KCNN2: variants seen among roughly 807,000 people sequenced by gnomAD.
KCNN2 encodes the protein small conductance calcium-activated potassium channel protein 2.
KCNN2 carries 24 observed loss-of-function variants against 55.5 expected under a neutral mutation model. That is an observed-to-expected ratio of 0.43 (90% CI 0.31 to 0.61). KCNN2 has a LOEUF of 0.61. Ranked by LOEUF, KCNN2 falls within the 20% of genes least tolerant of loss-of-function variation. KCNN2 has a pLI of 0.08. For synonymous variants in KCNN2, 431 were observed against 336.1 expected (o/e 1.28, Z -3.09); for missense variants, 754 against 853.6 (o/e 0.88, Z 1.45).
At position 114,059,202 on chromosome 5, in the gene KCNN2, A is replaced by G. The variant is rs189809754; in HGVS notation, c.-271+2702A>G. On this transcript the variant is annotated intron_variant, in intron 1 of 10. Transcript: ENST00000512097. The stretch of plus-strand genomic sequence containing the variant: ...GGTTATTAAGGGAAAGAGAGGAAAC[A>G]AAAGAAATTCCTGGATTTTTATTTA... Among the ~76,000 whole-genome samples, 202 of 152,298 alleles carry G rather than the reference A, an allele frequency of 1.3e-3. 1 individual carries two copies. The highest frequency in any genetic ancestry group is 4.4e-3 in the African/African-American group (182 of 41,570).
chr5:114,305,389 G>T (rs967746719), intron 2 of KCNN2, among the ~76,000 whole-genome samples: 2 of 152,304 alleles, frequency 1.3e-5, no homozygotes, highest in East Asian at 3.9e-4. Flanking sequence ...AGGCTCAGGA[G>T]CCTGCTTAAC....
At chr5:114,103,117 C>T (rs1751406665) in intron 1 of KCNN2, among the ~76,000 whole-genome samples, 1 of 152,130 alleles carries the variant, frequency 6.6e-6, no homozygotes. Flanking sequence ...TTTCCTTGAA[C>T]AGTGGTTTGT....
intron 2 of KCNN2, among the ~76,000 whole-genome samples, chr5:114,296,523 C>T (rs1013176739): frequency 1.3e-5 from 2 of 152,118 alleles, no homozygotes; most frequent in African/African-American, 2.4e-5. Flanking sequence ...TAGAAATGGC[C>T]TTGGGTAACA....
chr5:114,283,508 A>G (rs1328164748), intron 2 of KCNN2, among the ~76,000 whole-genome samples: 1 of 152,136 alleles, frequency 6.6e-6, no homozygotes, highest in Non-Finnish European at 1.5e-5. Context: ...GATGGTTTGC[A>G]AATATAGATT....
At chr5:114,087,065 C>T (rs1580499382) in intron 1 of KCNN2, among the ~76,000 whole-genome samples, 1 of 151,880 alleles carries the variant, frequency 6.6e-6, no homozygotes, top group Middle Eastern at 3.4e-3. Flanking sequence ...TTTTTGTTGC[C>T]AACTTGTATG....
chr5:114,274,823 T>G (rs1267905691), intron 2 of KCNN2, among the ~76,000 whole-genome samples: 1 of 152,190 alleles, frequency 6.6e-6, no homozygotes, highest in Non-Finnish European at 1.5e-5. Flanking sequence ...TGAATACCCT[T>G]TATTGCTTTC....
At chr5:114,265,266 A>C (rs2150005831) in intron 2 of KCNN2, among the ~76,000 whole-genome samples, 1 of 152,176 alleles carries the variant, frequency 6.6e-6, no homozygotes, top group South Asian at 2.1e-4. Flanking sequence ...TTATAAAATT[A>C]ACCAATTTTA....
intron 1 of KCNN2, among the ~76,000 whole-genome samples, chr5:114,125,031 C>CAGTT (rs150763734): frequency 0.069 from 10,521 of 152,168 alleles, 1,185 homozygotes; most frequent in African/African-American, 0.24. Context: ...ACCTGAGACA[C>CAGTT]AGCCCTGAAT....
chr5:114,308,373 A>C (rs1756330771), intron 2 of KCNN2, among the ~76,000 whole-genome samples: 1 of 152,204 alleles, frequency 6.6e-6, no homozygotes, highest in Admixed American at 6.5e-5. Context: ...GATTCTAAAG[A>C]GTGGGAATGA....
intron 2 of KCNN2, among the ~76,000 whole-genome samples, chr5:114,328,558 G>C (rs538417831): frequency 4.6e-5 from 7 of 152,248 alleles, no homozygotes; most frequent in Non-Finnish European, 1.0e-4. Context: ...CAGTGGAGGG[G>C]ATAAAGATCT....
chr5:114,332,819 C>T (rs1325192542), intron 2 of KCNN2, among the ~76,000 whole-genome samples: 1 of 152,166 alleles, frequency 6.6e-6, no homozygotes, highest in African/African-American at 2.4e-5. Flanking sequence ...GTTCAAAGAA[C>T]CATTCTTTCC....
At chr5:114,431,872 G>C (rs562487521) in intron 3 of KCNN2, among the ~76,000 whole-genome samples, 13 of 152,150 alleles carry the variant, frequency 8.5e-5, no homozygotes, top group Non-Finnish European at 1.3e-4. Flanking sequence ...TTAGTGTCCA[G>C]GTATTTGAGA....
upstream of KCNN2, chr5:114,361,252 C>A (rs1757413338): frequency 6.6e-6 from 1 of 152,270 alleles, no homozygotes; most frequent in South Asian, 2.1e-4. Context: ...CTCCTCCGGC[C>A]CCGCCCCCAC....
At chr5:114,391,873 G>A (rs556759369) in intron 2 of KCNN2, among the ~76,000 whole-genome samples, 76 of 152,208 alleles carry the variant, frequency 5.0e-4, no homozygotes, top group African/African-American at 1.8e-3. Flanking sequence ...GAATTACTGT[G>A]ACTCTTTTGG....
chr5:114,122,515 A>G (rs1271837600), intron 1 of KCNN2, among the ~76,000 whole-genome samples: 1 of 152,202 alleles, frequency 6.6e-6, no homozygotes, highest in Non-Finnish European at 1.5e-5. Context: ...TTACGTTTTA[A>G]AGATCAAACT....
chr5:114,159,200 T>C (rs1458368344), intron 1 of KCNN2, among the ~76,000 whole-genome samples: 1 of 152,034 alleles, frequency 6.6e-6, no homozygotes, highest in East Asian at 1.9e-4. Context: ...TTATTGAGAG[T>C]TTTTAGCATG....
chr5:114,400,828 T>C (rs1016085805), intron 2 of KCNN2, among the ~76,000 whole-genome samples: 1 of 152,208 alleles, frequency 6.6e-6, no homozygotes, highest in African/African-American at 2.4e-5. Flanking sequence ...AAATGGTACT[T>C]ATCCAGAGGT....
At chr5:114,067,488 T>C (rs1324714698) in intron 1 of KCNN2, among the ~76,000 whole-genome samples, 1 of 152,236 alleles carries the variant, frequency 6.6e-6, no homozygotes, top group Non-Finnish European at 1.5e-5. Context: ...GGGATATAAG[T>C]GATTCAATTT....
intron 2 of KCNN2, among the ~76,000 whole-genome samples, chr5:114,376,763 G>A (rs969962709): frequency 5.3e-5 from 8 of 152,078 alleles, no homozygotes; most frequent in African/African-American, 1.9e-4. Flanking sequence ...TTTCCTTACC[G>A]AGGAGATAAA....
Sources: gnomAD v4.1 joint callset for allele counts (sites outside exome capture counted in the v4.1 genomes callset) on GRCh38, gnomAD v4.1.1 for gene constraint, MANE v1.5 for transcripts, NCBI Gene and HGNC (gene_info 2026-07-23, HGNC 2026-07-21) for gene names.